CAMTA1: variants seen among roughly 807,000 people sequenced by gnomAD.
CAMTA1 encodes the protein calmodulin-binding transcription activator 1.
A neutral mutation model predicts 170.9 loss-of-function variants in CAMTA1; 27 were observed. That is an observed-to-expected ratio of 0.16 (90% CI 0.12 to 0.22). The LOEUF (loss-of-function observed/expected upper bound fraction) is 0.22, where lower values mean the gene tolerates loss of function less well. Among genes scored for constraint, CAMTA1 ranks in the 10% least tolerant of loss-of-function variants. The pLI is 1.00. For synonymous variants in CAMTA1, 833 were observed against 891.5 expected (o/e 0.93, Z 1.17); for missense variants, 1,619 against 2,217.2 (o/e 0.73, Z 5.42).
At chr1:7,460,520 G>C (rs1020290355) in intron 5 of CAMTA1, among the ~76,000 whole-genome samples, 1 of 152,118 alleles carries the variant, frequency 6.6e-6, no homozygotes, top group African/African-American at 2.4e-5. Flanking sequence ...ATGGGATCTG[G>C]TCCCACACGT....
intron 4 of CAMTA1, among the ~76,000 whole-genome samples, chr1:7,242,699 C>T (rs113218875): frequency 2.0e-5 from 3 of 151,988 alleles, no homozygotes; most frequent in South Asian, 2.1e-4. Flanking sequence ...GAGGGTGAGG[C>T]AGGCAGATCA....
chr1:7,494,132 C>T (rs1420318509), intron 6 of CAMTA1, among the ~76,000 whole-genome samples: 1 of 147,380 alleles, frequency 6.8e-6, no homozygotes, highest in East Asian at 2.0e-4. Context: ...GACTGCGATT[C>T]TTCTCCAGAT....
At chr1:6,839,367 G>A (rs1449769455) in intron 3 of CAMTA1, among the ~76,000 whole-genome samples, 2 of 152,144 alleles carry the variant, frequency 1.3e-5, no homozygotes, top group Non-Finnish European at 2.9e-5. Flanking sequence ...GGGCGACAGA[G>A]CGAGACTCTC....
intron 3 of CAMTA1, chr1:6,886,093 G>T: frequency 2.6e-6 from 1 of 383,340 alleles, no homozygotes; most frequent in South Asian, 2.0e-5. Context: ...CCTTATTTTT[G>T]TTTTCCTTGA....
intron 6 of CAMTA1, among the ~76,000 whole-genome samples, chr1:7,577,160 T>A (rs2150368089): frequency 6.6e-6 from 1 of 152,288 alleles, no homozygotes; most frequent in South Asian, 2.1e-4. Context: ...GGAGGCCCAG[T>A]GTGCTTGGCT....
In CAMTA1 at chr1:7,682,652, A is replaced by G. The variant is rs532880981; in HGVS notation, c.2914+4919A>G. On this transcript the variant is annotated intron_variant, in intron 11 of 22. Transcript: ENST00000303635. The surrounding 1 kb of genome is among the most constrained non-coding windows in gnomAD (Gnocchi z 5.0). ...ACACACTGTCCCAGAGTCCAGGGGT[A>G]CATTCCAGGGACAGTGGGAAAGGCC... is the stretch of plus-strand genomic sequence containing the variant. Among the ~76,000 whole-genome samples, 1 of 152,326 alleles carries G rather than the reference A, an allele frequency of 6.6e-6. No individual in the cohort carries two copies. The highest frequency in any genetic ancestry group is 1.5e-5 in the Non-Finnish European group (1 of 68,022).
chr1:7,307,147 C>T (rs1675717831), intron 5 of CAMTA1, among the ~76,000 whole-genome samples: 1 of 151,970 alleles, frequency 6.6e-6, no homozygotes, highest in Admixed American at 6.5e-5. Flanking sequence ...TAATTTTCAG[C>T]ATATAGATGC....
intron 3 of CAMTA1, among the ~76,000 whole-genome samples, chr1:7,060,926 G>A (rs1346219906): frequency 6.6e-6 from 1 of 152,190 alleles, no homozygotes; most frequent in East Asian, 1.9e-4. Context: ...GGAACCGACT[G>A]GAGCGTGCTT....
Position 7,745,981 on chromosome 1 carries a change from A to G in CAMTA1, c.4507A>G (p.Thr1503Ala). The G allele has an allele frequency of 6.2e-7, 1 of 1,614,158 alleles. No homozygotes were observed. The highest frequency in any genetic ancestry group is 2.2e-5 in the East Asian group (1 of 44,886). ...ADWSEFLSASTSEKVENEFAQ... is the reference protein window; with the variant it reads ...ADWSEFLSASASEKVENEFAQ... ...TTGGTCAGAATTCCTGAGTGCATCT[A>G]CCAGTGAGAAGGTAGAGAATGAGTT... The change falls in exon 18 of 23, where the codon ACC becomes GCC. Residue 1503 changes from threonine to alanine, a missense_variant. Physicochemically the swap from Thr to Ala is moderately conservative, Grantham distance 58 (BLOSUM62 0). Around this residue, in one of 8 missense-constraint regions of CAMTA1, gnomAD observed 370 missense variants for 429.4 expected, o/e 0.86. Transcript: ENST00000303635.
intron 6 of CAMTA1, among the ~76,000 whole-genome samples, chr1:7,477,304 T>C (rs1306530598): frequency 6.6e-6 from 1 of 152,122 alleles, no homozygotes; most frequent in Non-Finnish European, 1.5e-5. Context: ...TGAAAGGTTG[T>C]GTCAGCCAGA....
chr1:6,791,517 G>T (rs1641091521), intron 1 of CAMTA1, among the ~76,000 whole-genome samples: 1 of 151,834 alleles, frequency 6.6e-6, no homozygotes. Flanking sequence ...CTGTCTCTTT[G>T]GCTTGATACA....
At chr1:7,669,763 C>T (rs1303742668) in intron 9 of CAMTA1, among the ~76,000 whole-genome samples, 2 of 152,192 alleles carry the variant, frequency 1.3e-5, no homozygotes, top group Non-Finnish European at 2.9e-5. Flanking sequence ...CAAGGTTAGC[C>T]AGGAGAGTCC....
At chr1:6,996,357 G>T (rs1179945229) in intron 3 of CAMTA1, among the ~76,000 whole-genome samples, 2 of 152,128 alleles carry the variant, frequency 1.3e-5, no homozygotes, top group African/African-American at 4.8e-5. Flanking sequence ...CAGATACTTC[G>T]CTGAGTTCAA....
intron 1 of CAMTA1, among the ~76,000 whole-genome samples, chr1:6,816,215 A>G (rs1645789483): frequency 6.6e-6 from 1 of 152,212 alleles, no homozygotes; most frequent in Non-Finnish European, 1.5e-5. Flanking sequence ...CTGTACATTC[A>G]GAAACAATGA....
At chr1:7,759,457 A>T (rs1020033951) in intron 22 of CAMTA1, among the ~76,000 whole-genome samples, 1 of 152,170 alleles carries the variant, frequency 6.6e-6, no homozygotes, top group East Asian at 1.9e-4. Flanking sequence ...TAATTTATCC[A>T]GTAACTTAAA....
chr1:7,409,391 C>T, intron 5 of CAMTA1, among the ~76,000 whole-genome samples: 1 of 152,260 alleles, frequency 6.6e-6, no homozygotes, highest in Non-Finnish European at 1.5e-5. Context: ...GCCTTCCATC[C>T]TGCCCCTCTG....
In CAMTA1 at chr1:7,639,586, A is replaced by G. The variant is rs565005675; in HGVS notation, c.511-814A>G. ...CCAGGAGTTCAAGACCAGCCTGGCCAATATAGTGAGACCCCATCTCTACAA... is the reference window on the plus strand; with the variant it reads ...CCAGGAGTTCAAGACCAGCCTGGCCGATATAGTGAGACCCCATCTCTACAA... On this transcript the variant is annotated intron_variant, in intron 6 of 22. Coordinates refer to ENST00000303635, the MANE Select transcript of CAMTA1 (RefSeq NM_015215.4). Among the ~76,000 whole-genome samples the G allele has an allele frequency of 2.8e-4, 43 of 152,256 alleles. 1 individual carries two copies. In the East Asian group the frequency reaches 6.8e-3, roughly 24 times the overall value.
intron 21 of CAMTA1, 25 bp downstream of exon 21, chr1:7,752,558 T>G (rs753959845): frequency 1.9e-6 from 3 of 1,569,306 alleles, no homozygotes; most frequent in Non-Finnish European, 2.6e-6. Flanking sequence ...GTTTATACAT[T>G]CTGCTCAGGG....
chr1:6,988,248 C>T (rs557036574), intron 3 of CAMTA1, among the ~76,000 whole-genome samples: 48 of 152,226 alleles, frequency 3.2e-4, no homozygotes, highest in Admixed American at 2.6e-3. Flanking sequence ...GGCCGTGACG[C>T]TCCGAAAGCT....
Sources: gnomAD v4.1 joint callset for allele counts (sites outside exome capture counted in the v4.1 genomes callset) on GRCh38, gnomAD v4.1.1 for gene constraint, gnomAD v4.1.1 regional missense constraint, Gnocchi (gnomAD v3.1) non-coding constraint, MANE v1.5 for transcripts, NCBI Gene and HGNC (gene_info 2026-07-23, HGNC 2026-07-21) for gene names.